Variants in PCDH9 observed in about 807,000 individuals in gnomAD.
PCDH9 encodes the protein protocadherin-9.
Under a neutral mutation model 70.6 loss-of-function variants are expected in PCDH9, and 24 were observed. The observed-to-expected ratio is 0.34, with a 90% CI of 0.25 to 0.48. The LOEUF is 0.48. PCDH9 is among the 20% of genes least tolerant of loss of function. The pLI, the probability that PCDH9 is intolerant of heterozygous loss-of-function variation, is 0.99. For missense variants in PCDH9, 1,281 were observed against 1,503.6 expected (o/e 0.85, Z 2.45); for synonymous variants, 562 against 558.5 (o/e 1.01, Z -0.09).
At chr13:66,860,307 A>G (rs2081461047) in intron 3 of PCDH9, among the ~76,000 whole-genome samples, 1 of 152,112 alleles carries the variant, frequency 6.6e-6, no homozygotes, top group Non-Finnish European at 1.5e-5. Flanking sequence ...AGCTTCTGGA[A>G]AGATGCCACT....
chr13:66,554,922 C>T (rs1374831442), intron 4 of PCDH9, among the ~76,000 whole-genome samples: 1 of 152,062 alleles, frequency 6.6e-6, no homozygotes. Flanking sequence ...GTAATCCTAG[C>T]ACTTTGGGAG....
intron 4 of PCDH9, among the ~76,000 whole-genome samples, chr13:66,471,736 G>C (rs1463894870): frequency 6.6e-6 from 1 of 152,124 alleles, no homozygotes; most frequent in African/African-American, 2.4e-5. Flanking sequence ...GTAAAGAACA[G>C]AGTTATAATT....
intron 2 of PCDH9, among the ~76,000 whole-genome samples, chr13:66,976,283 A>G (rs112073186): frequency 1.3e-3 from 205 of 152,196 alleles, no homozygotes; most frequent in African/African-American, 4.7e-3. Flanking sequence ...TATTCATTTT[A>G]AGTAATTAAT....
intron 3 of PCDH9, among the ~76,000 whole-genome samples, chr13:66,856,265 A>C (rs925292148): frequency 6.6e-6 from 1 of 152,028 alleles, no homozygotes; most frequent in Non-Finnish European, 1.5e-5. Context: ...GAGACTGTAA[A>C]AGAAGAGTAA....
Position 66,821,103 on chromosome 13 carries a change from TATTTAC to T in PCDH9, c.3138+82395_3138+82400del, listed in dbSNP as rs1289590289. Among the ~76,000 whole-genome samples, 3 of 152,340 alleles carry T rather than the reference TATTTAC, an allele frequency of 2.0e-5. No individual in the cohort carries two copies. In the East Asian group the frequency reaches 5.8e-4, roughly 29 times the overall value. Reference sequence around the variant, plus strand: ...ATTCAAATTGCACCAAATTTCTAGTTATTTACATTTTGTAAATGTTTTATATCACTA... The same window carrying T: ...ATTCAAATTGCACCAAATTTCTAGTTATTTTGTAAATGTTTTATATCACTA... On this transcript the variant is annotated intron_variant, in intron 3 of 4. Transcript: ENST00000377865.
chr13:66,591,861 A>G (rs962042105), intron 4 of PCDH9, among the ~76,000 whole-genome samples: 3 of 151,702 alleles, frequency 2.0e-5, no homozygotes, highest in Non-Finnish European at 4.4e-5. Flanking sequence ...AGAATATTAA[A>G]TTATCTGCAT....
At chr13:66,749,616 G>C (rs372026887) in intron 3 of PCDH9, among the ~76,000 whole-genome samples, 17 of 152,158 alleles carry the variant, frequency 1.1e-4, no homozygotes, top group African/African-American at 3.9e-4. Context: ...ATTCCTACCA[G>C]CTCGAGACCA....
chr13:66,512,198 C>T (rs1192013207), intron 4 of PCDH9, among the ~76,000 whole-genome samples: 2 of 150,920 alleles, frequency 1.3e-5, no homozygotes, highest in African/African-American at 2.4e-5. Context: ...TCATCCCTGC[C>T]TATTTTCCTA....
At chr13:66,843,124 C>A (rs967973774) in intron 3 of PCDH9, among the ~76,000 whole-genome samples, 1 of 152,108 alleles carries the variant, frequency 6.6e-6, no homozygotes, top group African/African-American at 2.4e-5. Flanking sequence ...CAGGTGTGTG[C>A]CCTCAGCAAA....
At chr13:66,681,678 C>CCTTTTAT (rs2078322015) in intron 3 of PCDH9, among the ~76,000 whole-genome samples, 1 of 152,034 alleles carries the variant, frequency 6.6e-6, no homozygotes, top group African/African-American at 2.4e-5. Flanking sequence ...CTTTTATCAT[C>CCTTTTAT]CAAGTCTCAT....
chr13:66,516,636 T>C (rs1170852605), intron 4 of PCDH9, among the ~76,000 whole-genome samples: 1 of 152,084 alleles, frequency 6.6e-6, no homozygotes, highest in South Asian at 2.1e-4. Flanking sequence ...TTAGAGACTA[T>C]CAACTATCTT....
At chr13:66,714,345 G>A (rs945742761) in intron 3 of PCDH9, among the ~76,000 whole-genome samples, 7 of 151,608 alleles carry the variant, frequency 4.6e-5, no homozygotes, top group South Asian at 4.2e-4. Flanking sequence ...GGTGCCTGTA[G>A]TCCCAGCTAC....
intron 2 of PCDH9, among the ~76,000 whole-genome samples, chr13:67,002,488 C>A (rs879336239): frequency 2.7e-5 from 4 of 146,358 alleles, no homozygotes; most frequent in Non-Finnish European, 6.0e-5. Context: ...CTAAAAGTCA[C>A]TATTCTGTTT....
intron 2 of PCDH9, among the ~76,000 whole-genome samples, chr13:67,161,522 A>G (rs1454842822): frequency 6.6e-6 from 1 of 152,200 alleles, no homozygotes; most frequent in Non-Finnish European, 1.5e-5. Flanking sequence ...CAGTTTAACC[A>G]TGGAGCCCTT....
chr13:67,006,653 T>C (rs973197101), intron 2 of PCDH9, among the ~76,000 whole-genome samples: 13 of 152,220 alleles, frequency 8.5e-5, no homozygotes, highest in African/African-American at 2.7e-4. Flanking sequence ...GCTGTTTAAG[T>C]TGAATTAAGG....
chr13:66,761,336 T>C (rs936589188), intron 3 of PCDH9, among the ~76,000 whole-genome samples: 1 of 152,146 alleles, frequency 6.6e-6, no homozygotes, highest in Non-Finnish European at 1.5e-5. Context: ...TGTTGAAATA[T>C]TGGGGGCTGG....
intron 2 of PCDH9, among the ~76,000 whole-genome samples, chr13:67,169,660 T>C (rs2088222607): frequency 1.3e-5 from 2 of 152,184 alleles, no homozygotes; most frequent in South Asian, 4.1e-4. Context: ...TCATATAGAA[T>C]CTGAACAACC....
chr13:66,478,364 G>A (rs536919298), intron 4 of PCDH9, among the ~76,000 whole-genome samples: 3 of 152,258 alleles, frequency 2.0e-5, no homozygotes, highest in East Asian at 1.9e-4. Context: ...AAGCAATCAC[G>A]TAAAAGGAGG....
chr13:67,076,680 G>A (rs2085884540), intron 2 of PCDH9, among the ~76,000 whole-genome samples: 1 of 152,100 alleles, frequency 6.6e-6, no homozygotes, highest in African/African-American at 2.4e-5. Flanking sequence ...AAAGTCTTCT[G>A]TAATTTCTAT....
Sources: gnomAD v4.1 joint callset for allele counts (sites outside exome capture counted in the v4.1 genomes callset) on GRCh38, gnomAD v4.1.1 for gene constraint, MANE v1.5 for transcripts, NCBI Gene and HGNC (gene_info 2026-07-23, HGNC 2026-07-21) for gene names.